AGBL1: variants seen among roughly 807,000 people sequenced by gnomAD.
The protein encoded by AGBL1 is AGBL carboxypeptidase 1, also known as cytosolic carboxypeptidase 4.
AGBL1 carries 130 observed loss-of-function variants against 118.9 expected under a neutral mutation model. The ratio of observed to expected loss-of-function variants is 1.09; its 90% CI spans 0.95 to 1.26. The LOEUF (loss-of-function observed/expected upper bound fraction) is 1.26, where lower values mean the gene tolerates loss of function less well. AGBL1 is among the 50% of genes most tolerant of loss of function. AGBL1 has a pLI of 0.00. For synonymous variants in AGBL1, 555 were observed against 478.9 expected (o/e 1.16, Z -2.08); for missense variants, 1,584 against 1,298.1 (o/e 1.22, Z -3.38).
At chr15:86,680,560 CTTTT>C (rs2085934273) in intron 22 of AGBL1, among the ~76,000 whole-genome samples, 1 of 102,518 alleles carries the variant, frequency 9.8e-6, no homozygotes, top group African/African-American at 3.7e-5. Flanking sequence ...TTCTTTCTTT[CTTTT>C]CTTTTTTTTT....
chr15:86,549,257 C>T (rs1370028426), intron 20 of AGBL1, among the ~76,000 whole-genome samples: 1 of 152,130 alleles, frequency 6.6e-6, no homozygotes, highest in African/African-American at 2.4e-5. Flanking sequence ...TCCAAAGAGA[C>T]TTAAGAACTG....
chr15:86,666,095 A>C (rs929107854), intron 21 of AGBL1, among the ~76,000 whole-genome samples: 2 of 152,138 alleles, frequency 1.3e-5, no homozygotes, highest in Non-Finnish European at 2.9e-5. Flanking sequence ...TCCAAGTCTG[A>C]AAATCCCCAG....
intron 9 of AGBL1, among the ~76,000 whole-genome samples, chr15:86,258,283 C>T (rs57877588): frequency 0.034 from 5,213 of 152,176 alleles, 307 homozygotes; most frequent in African/African-American, 0.11. Context: ...ATTATGACAC[C>T]AATACTTTAT....
At chr15:86,976,452 A>G (rs1015815395) in intron 23 of AGBL1, among the ~76,000 whole-genome samples, 5 of 151,966 alleles carry the variant, frequency 3.3e-5, no homozygotes, top group African/African-American at 1.2e-4. Context: ...TTATTTAACT[A>G]AAGCTTATTG....
chr15:86,134,002 A>G (rs2076852900), intron 1 of AGBL1, among the ~76,000 whole-genome samples: 2 of 152,176 alleles, frequency 1.3e-5, no homozygotes, highest in African/African-American at 4.8e-5. Flanking sequence ...TTCAGCCCAT[A>G]GTCTTCTAAA....
chr15:86,243,785 G>T lies in AGBL1; in HGVS notation c.527-3886G>T, dbSNP rs112746583. On this transcript the variant is annotated intron_variant, in intron 6 of 22. Coordinates refer to ENST00000614907, the MANE Select transcript of AGBL1 (RefSeq NM_001386094.1). ...GCACTTGGGGAGGCCAAGGTGAGTGGATCACTTGAGGTCAGGAGTTCGAGC... is the reference window on the plus strand; with the variant it reads ...GCACTTGGGGAGGCCAAGGTGAGTGTATCACTTGAGGTCAGGAGTTCGAGC... 4.0e-3 allele frequency among the ~76,000 whole-genome samples: 612 copies of T among 152,220 alleles called. 1 individual carries two copies. The highest frequency in any genetic ancestry group is 0.027 in the Middle Eastern group (8 of 294).
At chr15:86,252,631 G>T (rs2078834471) in intron 7 of AGBL1, among the ~76,000 whole-genome samples, 1 of 152,178 alleles carries the variant, frequency 6.6e-6, no homozygotes, top group African/African-American at 2.4e-5. Context: ...GACCAGAGAA[G>T]CCTCCATGAA....
In AGBL1 at chr15:86,699,716, A is replaced by G. The variant is rs905585591; in HGVS notation, c.3158+25280A>G. Among the ~76,000 whole-genome samples, 7 of 152,204 alleles carry G rather than the reference A, an allele frequency of 4.6e-5. No individual in the cohort carries two copies. In the South Asian group the frequency reaches 1.0e-3, roughly 23 times the overall value. Reference sequence around the variant, plus strand: ...TTATTAGTGCTTCATACACTTAGACATGAGCACATGTGGTTGATTTGTCCC... The same window carrying G: ...TTATTAGTGCTTCATACACTTAGACGTGAGCACATGTGGTTGATTTGTCCC... On this transcript the variant is annotated intron_variant, in intron 22 of 22. Transcript: ENST00000614907.
intron 22 of AGBL1, among the ~76,000 whole-genome samples, chr15:86,785,204 G>A (rs914531047): frequency 6.6e-6 from 1 of 151,956 alleles, no homozygotes; most frequent in Non-Finnish European, 1.5e-5. Flanking sequence ...ATAGCACTTA[G>A]TAAGGGGCTT....
chr15:86,960,803 A>G (rs2594343), intron 23 of AGBL1, among the ~76,000 whole-genome samples: 80,724 of 151,938 alleles, frequency 0.53, 24,970 homozygotes, highest in East Asian at 0.7. Context: ...ATGAACCTGA[A>G]TGACATTATG....
intron 21 of AGBL1, among the ~76,000 whole-genome samples, chr15:86,610,033 T>A (rs1479120090): frequency 3.9e-5 from 6 of 151,988 alleles, no homozygotes; most frequent in Non-Finnish European, 8.8e-5. Context: ...AGACTACATG[T>A]CCCCCCCATC....
At chr15:86,900,577 AT>A (rs575450131) in intron 22 of AGBL1, among the ~76,000 whole-genome samples, 18 of 152,006 alleles carry the variant, frequency 1.2e-4, no homozygotes, top group African/African-American at 4.1e-4. Flanking sequence ...AGTGTAATTG[AT>A]TTTTTTGGAC....
intron 5 of AGBL1, among the ~76,000 whole-genome samples, chr15:86,214,151 C>T (rs997054500): frequency 1.3e-5 from 2 of 152,172 alleles, no homozygotes; most frequent in Non-Finnish European, 2.9e-5. Context: ...GGTTTGTCTT[C>T]AATGTGCTCT....
At position 86,279,655 on chromosome 15, in the gene AGBL1, A is replaced by T. The variant is rs1197775846; in HGVS notation, c.2092A>T (p.Ser698Cys). The change falls in exon 16 of 23, where the codon AGT (serine) becomes TGT (cysteine). Residue 698 changes from serine to cysteine, a missense_variant. Coordinates refer to ENST00000614907, the MANE Select transcript of AGBL1 (RefSeq NM_001386094.1). ...ICYYKNHYRQ[S>C]TAVAGGASGK... is the part of the protein sequence containing the mutation. ...TCTCTTTAGAAATCATTATCGCCAG[A>T]GTACAGCTGTTGCAGGCGGAGCATC... 1 of 1,613,496 alleles carries T rather than the reference A, an allele frequency of 6.2e-7. No homozygotes were observed. The highest frequency in any genetic ancestry group is 8.5e-7 in the Non-Finnish European group (1 of 1,179,570).
intron 5 of AGBL1, among the ~76,000 whole-genome samples, chr15:86,177,656 A>C (rs2077499225): frequency 6.6e-6 from 1 of 152,226 alleles, no homozygotes; most frequent in Admixed American, 6.5e-5. Flanking sequence ...AAGAGTCCCC[A>C]AAATTTGAAA....
intron 22 of AGBL1, among the ~76,000 whole-genome samples, chr15:86,783,906 C>T (rs1028632774): frequency 6.6e-6 from 1 of 152,214 alleles, no homozygotes; most frequent in Non-Finnish European, 1.5e-5. Flanking sequence ...GCTGGGATTA[C>T]AGGCGTGAGC....
At chr15:86,807,854 T>C (rs1043188687) in intron 22 of AGBL1, among the ~76,000 whole-genome samples, 1 of 152,194 alleles carries the variant, frequency 6.6e-6, no homozygotes, top group African/African-American at 2.4e-5. Flanking sequence ...ATGTGAGAGA[T>C]AATTGAAGTA....
chr15:86,371,563 A>G (rs1386722026), intron 17 of AGBL1, among the ~76,000 whole-genome samples: 1 of 152,188 alleles, frequency 6.6e-6, no homozygotes, highest in Non-Finnish European at 1.5e-5. Context: ...AGTTTTTACT[A>G]CTACACATCA....
intron 16 of AGBL1, among the ~76,000 whole-genome samples, chr15:86,293,852 A>G (rs2079588385): frequency 6.6e-6 from 1 of 152,118 alleles, no homozygotes; most frequent in Non-Finnish European, 1.5e-5. Flanking sequence ...TTGTCAAGAA[A>G]CAAGGTGGGC....
Sources: allele counts gnomAD v4.1 joint callset (sites outside exome capture counted in the v4.1 genomes callset), GRCh38; gene constraint gnomAD v4.1.1; transcripts MANE v1.5; gene names NCBI Gene and HGNC (gene_info 2026-07-23, HGNC 2026-07-21).